RPS6KA6: variants seen among roughly 807,000 people sequenced by gnomAD.
The protein encoded by RPS6KA6 is ribosomal protein S6 kinase alpha-6.
Under a neutral mutation model 65.4 loss-of-function variants are expected in RPS6KA6, and 27 were observed. That is an observed-to-expected ratio of 0.41 (90% CI 0.30 to 0.57). The LOEUF is 0.57. Among genes scored for constraint, RPS6KA6 ranks in the 20% least tolerant of loss-of-function variants. The pLI is 0.24. For missense variants in RPS6KA6, 486 were observed against 555.6 expected (o/e 0.87, Z 1.26); for synonymous variants, 190 against 184.2 (o/e 1.03, Z -0.26).
At chrX:84,135,255 T>G in intron 6 of RPS6KA6, 45 bp from the exon 7 acceptor site, 1 of 876,079 alleles carries the variant, frequency 1.1e-6, no homozygotes, top group Non-Finnish European at 1.6e-6. Context: ...CTTTCAATAT[T>G]CAGTATATTT....
rs2033300878 is a variant in RPS6KA6, at chrX:84,061,498, G to T, written c.*2779C>A. 1.1e-5 allele frequency: 1 copy of T among 92,654 alleles called. No homozygotes were observed. The highest frequency in any genetic ancestry group is 1.3e-4 in the Admixed American group (1 of 7,744). The allele number at this position is 92,654 out of a possible 1,213,427, so 7.6% of individuals were successfully genotyped here. On this transcript the variant is annotated 3_prime_UTR_variant, in exon 22 of 22. Coordinates refer to ENST00000262752, the MANE Select transcript of RPS6KA6 (RefSeq NM_014496.5). ...AAATAGGCTGAAGTTTGATCTTTGT[G>T]AAAGGACTTGAAACCATTGTTTTTT...
intron 6 of RPS6KA6, among the ~76,000 whole-genome samples, chrX:84,139,836 G>A (rs1036034207): frequency 4.5e-5 from 5 of 112,109 alleles, no homozygotes; most frequent in African/African-American, 1.6e-4. Context: ...AATACTGAGA[G>A]ACAGGGGACA....
intron 1 of RPS6KA6, among the ~76,000 whole-genome samples, chrX:84,183,228 G>A (rs192398830): frequency 9.0e-5 from 10 of 111,361 alleles, no homozygotes; most frequent in Non-Finnish European, 1.5e-4. Context: ...CTACCAGGAC[G>A]CTTCTAATCT....
chrX:84,136,125 G>C (rs1367177211), intron 6 of RPS6KA6, among the ~76,000 whole-genome samples: 1 of 111,729 alleles, frequency 9.0e-6, no homozygotes, highest in Non-Finnish European at 1.9e-5. Context: ...ATTCACTAGT[G>C]AGTATTCATT....
intron 8 of RPS6KA6, among the ~76,000 whole-genome samples, chrX:84,120,584 T>C (rs986269504): frequency 2.8e-4 from 31 of 111,448 alleles, no homozygotes; most frequent in Admixed American, 9.6e-4. Context: ...GGTATAAATA[T>C]ACATCTACAG....
chrX:84,161,628 C>A (rs1265664002), intron 2 of RPS6KA6, among the ~76,000 whole-genome samples: 1 of 111,637 alleles, frequency 9.0e-6, no homozygotes, highest in African/African-American at 3.3e-5. Context: ...TGTGGTTCCA[C>A]TGAGTCTAAG....
intron 20 of RPS6KA6, among the ~76,000 whole-genome samples, chrX:84,084,940 C>T (rs559864590): frequency 4.0e-4 from 44 of 111,020 alleles, no homozygotes; most frequent in African/African-American, 1.3e-3. Context: ...TAGCTGTATT[C>T]GTAGGTGTTT....
chrX:84,088,349 T>C (rs1252665099), intron 20 of RPS6KA6, among the ~76,000 whole-genome samples: 6 of 112,391 alleles, frequency 5.3e-5, no homozygotes, highest in African/African-American at 1.9e-4. Flanking sequence ...CTGTTTGTTG[T>C]TCTTTTAAAA....
intron 1 of RPS6KA6, among the ~76,000 whole-genome samples, chrX:84,178,875 T>A (rs2035806599): frequency 9.1e-6 from 1 of 110,236 alleles, no homozygotes; most frequent in Non-Finnish European, 1.9e-5. Flanking sequence ...TAGGCTAGGA[T>A]TTCTTAGATA....
Position 84,148,050 on chromosome X carries a change from G to C in RPS6KA6, c.332C>G (p.Ser111Cys), listed in dbSNP as rs2035230171. 1 of 1,150,450 alleles carries C rather than the reference G, an allele frequency of 8.7e-7. No homozygotes were observed. Among genetic ancestry groups the C allele is most frequent in the Non-Finnish European group, 1.2e-6 (1 of 856,596 alleles). The allele number at this position is 1,150,450 out of a possible 1,213,427, so 94.8% of individuals were successfully genotyped here. The change falls in exon 4 of 22, where the codon TCT (serine) becomes TGT (cysteine). Residue 111 changes from serine (S) to cysteine (C), a missense_variant. By Grantham distance (112) the Ser-to-Cys change is moderately radical. Around this residue, in one of 3 missense-constraint regions of RPS6KA6, gnomAD observed 106 missense variants for 105.0 expected, o/e 1.01. Transcript: ENST00000262752. ...ACTTTCTAATTTTCTACCTTTTAAA[G>C]AGGCTTTTTTTAACACCTTCATTGC... The part of the protein sequence containing the change: ...LYAMKVLKKA[S>C]LKVRDRVRTK...
Position 84,090,208 on chromosome X carries a change from T to C in RPS6KA6, c.1971+5986A>G, listed in dbSNP as rs191752122. Among the ~76,000 whole-genome samples, 8 of 112,234 alleles carry C rather than the reference T, an allele frequency of 7.1e-5. 1 individual carries two copies. The East Asian group carries it at 2.2e-3, about 31-fold the overall frequency. The stretch of plus-strand genomic sequence containing the variant: ...TCAGTATAAATGAATAACTTCCATA[T>C]ATACTTCAGCAACACCTGCTCTGAT... On this transcript the variant is annotated intron_variant, in intron 20 of 21. Transcript: ENST00000262752.
At position 84,097,919 on chromosome X, in the gene RPS6KA6, A is replaced by C. The variant is rs1445075951; in HGVS notation, c.1777-71T>G. On this transcript the variant is annotated intron_variant, in intron 18 of 21. Coordinates refer to ENST00000262752, the MANE Select transcript of RPS6KA6 (RefSeq NM_014496.5). ...AATTTTCTCCCAAAGAAGTTGTTTT[A>C]CTTCTAATAATCTCACAAAAGTTCA... The C allele has an allele frequency of 4.2e-6, 3 of 721,367 alleles. No individual in the cohort carries two copies. The African/African-American group carries it at 6.5e-5, about 16-fold the overall frequency. The allele number at this position is 721,367 out of a possible 1,213,427, so 59.4% of individuals were successfully genotyped here.
intron 3 of RPS6KA6, 148 bp from the exon 4 acceptor site, chrX:84,148,271 G>A (rs2035236439): frequency 2.6e-6 from 1 of 380,500 alleles, no homozygotes; most frequent in Admixed American, 5.0e-5. Flanking sequence ...GGGAGAGATA[G>A]TGAGAGATTT....
chrX:84,152,685 A>C (rs2035349121), intron 3 of RPS6KA6, among the ~76,000 whole-genome samples: 1 of 111,598 alleles, frequency 9.0e-6, no homozygotes, highest in African/African-American at 3.2e-5. Context: ...GGGGATACAG[A>C]AATAAACTGT....
intron 12 of RPS6KA6, among the ~76,000 whole-genome samples, chrX:84,112,109 G>A (rs896291939): frequency 7.2e-5 from 8 of 111,545 alleles, no homozygotes; most frequent in African/African-American, 2.3e-4. Context: ...TAATGATAAG[G>A]GCTCAATTAA....
At chrX:84,147,365 G>A (rs1003959710) in intron 4 of RPS6KA6, among the ~76,000 whole-genome samples, 1 of 111,307 alleles carries the variant, frequency 9.0e-6, no homozygotes, top group Non-Finnish European at 1.9e-5. Context: ...GGACTGCAGC[G>A]GCACAATCTC....
At chrX:84,155,968 G>A (rs1026992055) in intron 3 of RPS6KA6, 107 bp downstream of exon 3, 9 of 472,907 alleles carry the variant, frequency 1.9e-5, no homozygotes, top group Admixed American at 3.2e-5. Context: ...GTGAGCATCC[G>A]TTCAGAAGTT....
At chrX:84,134,186 T>TAGTA (rs957390208) in intron 8 of RPS6KA6, among the ~76,000 whole-genome samples, 9 of 111,957 alleles carry the variant, frequency 8.0e-5, no homozygotes, top group African/African-American at 2.3e-4. Context: ...TACTGCTGAG[T>TAGTA]AGTATGTCAT....
intron 20 of RPS6KA6, among the ~76,000 whole-genome samples, chrX:84,094,417 C>T (rs1021494736): frequency 5.6e-5 from 6 of 107,713 alleles, no homozygotes; most frequent in African/African-American, 2.0e-4. Flanking sequence ...CCGAGGCAGG[C>T]GGATCACGAG....
Sources: gnomAD v4.1 joint callset for allele counts (sites outside exome capture counted in the v4.1 genomes callset) on GRCh38, gnomAD v4.1.1 for gene constraint, gnomAD v4.1.1 regional missense constraint, MANE v1.5 for transcripts, NCBI Gene and HGNC (gene_info 2026-07-23, HGNC 2026-07-21) for gene names.